Variants in SNAP91 observed in about 807,000 individuals in gnomAD.
The protein encoded by SNAP91 is clathrin coat assembly protein AP180.
A neutral mutation model predicts 100.3 loss-of-function variants in SNAP91; 27 were observed. The ratio of observed to expected loss-of-function variants is 0.27; its 90% CI spans 0.20 to 0.37. The LOEUF (loss-of-function observed/expected upper bound fraction) is 0.37, where lower values mean the gene tolerates loss of function less well. Among genes scored for constraint, SNAP91 ranks in the 10% least tolerant of loss-of-function variants. The pLI, the probability that SNAP91 is intolerant of heterozygous loss-of-function variation, is 1.00. For missense variants in SNAP91, 986 were observed against 1,123.7 expected (o/e 0.88, Z 1.75); for synonymous variants, 404 against 398.6 (o/e 1.01, Z -0.16).
At position 83,610,783 on chromosome 6, in the gene SNAP91, G is replaced by A. The variant is rs567486058; in HGVS notation, c.885-106C>T. The A allele has an allele frequency of 1.3e-3, 271 of 206,224 alleles. 4 individuals are homozygous for A. In the South Asian group the frequency reaches 0.015, roughly 12 times the overall value. The allele number at this position is 206,224 out of a possible 1,614,324, so 12.8% of individuals were successfully genotyped here. A position where few individuals can be genotyped will look rare whatever the true frequency, so the allele number is the denominator to read the frequency against. On this transcript the variant is annotated intron_variant, in intron 11 of 29. Coordinates refer to ENST00000369694, the MANE Select transcript of SNAP91 (RefSeq NM_001242792.2). The stretch of plus-strand genomic sequence containing the variant: ...TGAATATATTTGTAGAAGCATTTAA[G>A]TTGGATTTCACTTGGTCAAGCACTA...
chr6:83,621,340 T>C (rs987338869), intron 9 of SNAP91, among the ~76,000 whole-genome samples: 4 of 152,138 alleles, frequency 2.6e-5, no homozygotes, highest in African/African-American at 9.7e-5. Flanking sequence ...ATGTATCACA[T>C]AAAAATAAAT....
Position 83,656,261 on chromosome 6 carries a change from A to G in SNAP91, c.658+493T>C, listed in dbSNP as rs1291650017. ...CCCATTTGAATAAAAACCAAAGGGCATATCCCACAAAAAGGCTCTTTCTAA... is the reference window on the plus strand; with the variant it reads ...CCCATTTGAATAAAAACCAAAGGGCGTATCCCACAAAAAGGCTCTTTCTAA... On this transcript the variant is annotated intron_variant, in intron 7 of 29. Transcript: ENST00000369694. Among the ~76,000 whole-genome samples the G allele has an allele frequency of 3.9e-5, 6 of 152,180 alleles. 1 individual carries two copies. Among genetic ancestry groups the G allele is most frequent in the African/African-American group, 1.4e-4 (6 of 41,444 alleles).
chr6:83,613,447 CTCTGTTT>C (rs1407354317), intron 11 of SNAP91, among the ~76,000 whole-genome samples: 1 of 152,140 alleles, frequency 6.6e-6, no homozygotes, highest in East Asian at 1.9e-4. Context: ...GATGCGTGAC[CTCTGTTT>C]TCTAACCAGA....
chr6:83,656,945 A>G (rs2098420918), intron 6 of SNAP91, 80 bp from the exon 7 acceptor site: 2 of 615,250 alleles, frequency 3.3e-6, no homozygotes, highest in South Asian at 4.4e-5. Context: ...AATGTCTCAA[A>G]TGACTACTAA....
chr6:83,572,258 T>C (rs1460310890), intron 26 of SNAP91, among the ~76,000 whole-genome samples: 1 of 151,846 alleles, frequency 6.6e-6, no homozygotes, highest in Non-Finnish European at 1.5e-5. Flanking sequence ...TTTCCTTTTG[T>C]TTTTTTTGAG....
chr6:83,591,781 C>A (rs2093781556), intron 21 of SNAP91, among the ~76,000 whole-genome samples: 1 of 152,154 alleles, frequency 6.6e-6, no homozygotes, highest in Non-Finnish European at 1.5e-5. Context: ...TCTTTGTATT[C>A]CTCATGTACG....
intron 8 of SNAP91, among the ~76,000 whole-genome samples, chr6:83,629,173 A>G (rs2097102842): frequency 6.6e-6 from 1 of 151,956 alleles, no homozygotes; most frequent in Non-Finnish European, 1.5e-5. Flanking sequence ...GTAAGCTGTA[A>G]GTATTTGGGT....
intron 2 of SNAP91, among the ~76,000 whole-genome samples, chr6:83,665,936 C>G (rs1434869757): frequency 1.3e-5 from 2 of 152,022 alleles, no homozygotes; most frequent in Non-Finnish European, 2.9e-5. Context: ...AGCACAATGT[C>G]TCAAATGTGG....
chr6:83,701,969 CA>C (rs375662723), intron 2 of SNAP91, among the ~76,000 whole-genome samples: 99 of 152,214 alleles, frequency 6.5e-4, no homozygotes, highest in African/African-American at 2.3e-3. Flanking sequence ...AATCATTGTG[CA>C]ATTGACACAG....
intron 9 of SNAP91, among the ~76,000 whole-genome samples, chr6:83,619,796 C>A (rs1319984042): frequency 6.6e-6 from 1 of 152,078 alleles, no homozygotes; most frequent in African/African-American, 2.4e-5. Context: ...TTTCTCGGAA[C>A]AAATTCATAG....
At chr6:83,669,326 T>A (rs963430122) in intron 2 of SNAP91, among the ~76,000 whole-genome samples, 4 of 151,892 alleles carry the variant, frequency 2.6e-5, no homozygotes, top group Non-Finnish European at 5.9e-5. Flanking sequence ...TTAAAGAATT[T>A]AAAAAAATAA....
chr6:83,634,548 G>A (rs1157763931), intron 8 of SNAP91, among the ~76,000 whole-genome samples: 4 of 152,032 alleles, frequency 2.6e-5, no homozygotes, highest in Admixed American at 2.6e-4. Context: ...TTCACAATGC[G>A]AGCCTCCATA....
At chr6:83,623,198 A>G (rs949353934) in intron 9 of SNAP91, 103 bp downstream of exon 9, 20 of 871,288 alleles carry the variant, frequency 2.3e-5, no homozygotes, top group South Asian at 3.6e-5. Context: ...GGTTGGCCTA[A>G]GTTCAAAATG....
At chr6:83,588,998 T>C (rs558377519) in intron 22 of SNAP91, among the ~76,000 whole-genome samples, 2 of 152,326 alleles carry the variant, frequency 1.3e-5, no homozygotes, top group Admixed American at 1.3e-4. Flanking sequence ...CATAGGCTTC[T>C]GTGAAAGGCC....
intron 2 of SNAP91, among the ~76,000 whole-genome samples, chr6:83,701,278 G>C (rs1404947921): frequency 6.6e-6 from 1 of 152,188 alleles, no homozygotes; most frequent in South Asian, 2.1e-4. Context: ...TAAAGATAGA[G>C]ATGACAGAGA....
chr6:83,659,487 T>C (rs1052153226), intron 5 of SNAP91, among the ~76,000 whole-genome samples: 1 of 150,224 alleles, frequency 6.7e-6, no homozygotes, highest in African/African-American at 2.5e-5. Flanking sequence ...TGCAATGGCA[T>C]GATCATAGCT....
chr6:83,702,241 T>C (rs1169713425), intron 2 of SNAP91, among the ~76,000 whole-genome samples: 1 of 152,100 alleles, frequency 6.6e-6, no homozygotes, highest in Non-Finnish European at 1.5e-5. Flanking sequence ...GGCTCAGGAG[T>C]TGACTCACTT....
chr6:83,579,937 A>C (rs985621595), intron 24 of SNAP91, among the ~76,000 whole-genome samples: 1 of 152,048 alleles, frequency 6.6e-6, no homozygotes, highest in Non-Finnish European at 1.5e-5. Context: ...TTTATTTTAA[A>C]GTTTGTGTCT....
At chr6:83,703,428 A>G (rs925988256) in intron 2 of SNAP91, among the ~76,000 whole-genome samples, 2 of 152,130 alleles carry the variant, frequency 1.3e-5, no homozygotes, top group African/African-American at 4.8e-5. Context: ...ATTAAAATAT[A>G]TTTCATATTT....
Sources: allele counts gnomAD v4.1 joint callset (sites outside exome capture counted in the v4.1 genomes callset), GRCh38; gene constraint gnomAD v4.1.1; transcripts MANE v1.5; gene names NCBI Gene and HGNC (gene_info 2026-07-23, HGNC 2026-07-21).